The following GOLGB1 variants were observed in gnomAD, a reference collection of about 807,000 sequenced individuals.
GOLGB1 encodes the protein golgin B1.
A neutral mutation model predicts 336.9 loss-of-function variants in GOLGB1; 174 were observed. The ratio of observed to expected loss-of-function variants is 0.52; its 90% CI spans 0.46 to 0.59. The LOEUF (loss-of-function observed/expected upper bound fraction) is 0.59, where lower values mean the gene tolerates loss of function less well. GOLGB1 is among the 20% of genes least tolerant of loss of function. The probability of loss-of-function intolerance (pLI) is 0.00; values close to 1 mark genes in which losing one functional copy is unlikely to be tolerated. For synonymous variants in GOLGB1, 1,208 were observed against 1,289.2 expected (o/e 0.94, Z 1.35); for missense variants, 3,331 against 3,645.3 (o/e 0.91, Z 2.22).
intron 1 of GOLGB1, among the ~76,000 whole-genome samples, chr3:121,732,707 C>G (rs947163988): frequency 6.6e-6 from 1 of 152,094 alleles, no homozygotes; most frequent in African/African-American, 2.4e-5. Context: ...TCATTCTCAG[C>G]AAACTAAGAA....
chr3:121,747,999 ATTTAT>A (rs1205384726), intron 1 of GOLGB1, among the ~76,000 whole-genome samples: 1 of 152,078 alleles, frequency 6.6e-6, no homozygotes, highest in Non-Finnish European at 1.5e-5. Flanking sequence ...TTAATGAATG[ATTTAT>A]TTTATAAACA....
Position 121,695,456 on chromosome 3 carries a change from A to G in GOLGB1, c.5067T>C (p.Ser1689=), listed in dbSNP as rs1365529895. The G allele has an allele frequency of 6.2e-7, 1 of 1,613,728 alleles. No individual in the cohort carries two copies. Among genetic ancestry groups the G allele is most frequent in the Admixed American group, 1.7e-5 (1 of 59,986 alleles). The change falls in exon 13 of 22, where the codon TCT becomes TCC. Residue 1689 remains serine (S), a synonymous_variant. Transcript: ENST00000614479. Reference sequence around the variant, plus strand: ...CCAGCTCTAGGATTTTCTGCTGTTTAGATTTAGCAAACTTTCTCATCTTTT... The same window carrying G: ...CCAGCTCTAGGATTTTCTGCTGTTTGGATTTAGCAAACTTTCTCATCTTTT... ...MKEKMRKFAK[S]KQQKILELEE...
At chr3:121,664,663 G>A in intron 21 of GOLGB1, 49 bp from the exon 22 acceptor site, 1 of 1,573,136 alleles carries the variant, frequency 6.4e-7, no homozygotes, top group Non-Finnish European at 8.8e-7. Flanking sequence ...ATAGGGCTAT[G>A]TTGCTTTCCC....
intron 15 of GOLGB1, among the ~76,000 whole-genome samples, chr3:121,679,997 G>A (rs1940883504): frequency 6.6e-6 from 1 of 152,180 alleles, no homozygotes; most frequent in African/African-American, 2.4e-5. Context: ...AGTGTCAGTG[G>A]AGGCTAAGCG....
chr3:121,725,251 C>G (rs1383520182), intron 5 of GOLGB1, among the ~76,000 whole-genome samples: 1 of 152,192 alleles, frequency 6.6e-6, no homozygotes, highest in African/African-American at 2.4e-5. Flanking sequence ...CAAAGTCAGC[C>G]TGGGAATGCT....
chr3:121,748,555 C>G (rs765696491), intron 1 of GOLGB1, among the ~76,000 whole-genome samples: 1 of 152,204 alleles, frequency 6.6e-6, no homozygotes, highest in Non-Finnish European at 1.5e-5. Flanking sequence ...CAACTTTTTC[C>G]TGCATCTATT....
chr3:121,722,766 G>T (rs1945288551), intron 5 of GOLGB1, among the ~76,000 whole-genome samples: 1 of 152,174 alleles, frequency 6.6e-6, no homozygotes, highest in Non-Finnish European at 1.5e-5. Flanking sequence ...AGAAAAAGAA[G>T]GCAGCAAAAG....
At chr3:121,685,879 A>AT (rs1345492933) in intron 14 of GOLGB1, among the ~76,000 whole-genome samples, 3 of 152,104 alleles carry the variant, frequency 2.0e-5, no homozygotes, top group Non-Finnish European at 2.9e-5. Context: ...CCCAAAACAT[A>AT]TTTTTGTTTT....
chr3:121,704,813 G>T (rs1943681933), intron 10 of GOLGB1, among the ~76,000 whole-genome samples: 1 of 145,778 alleles, frequency 6.9e-6, no homozygotes, highest in Non-Finnish European at 1.5e-5. Flanking sequence ...AAGAAAAATT[G>T]TCAATCGAGA....
rs551027208 is a variant in GOLGB1, at chr3:121,731,398, C to T, written c.-2-425G>A. Among the ~76,000 whole-genome samples the T allele has an allele frequency of 4.4e-3, 652 of 149,290 alleles. 3 individuals are homozygous for T. Among genetic ancestry groups the T allele is most frequent in the African/African-American group, 9.6e-3 (389 of 40,534 alleles). ...TTTTTTTTTGAGACAGGGTCTTGCT[C>T]TGTCACGCAGGCTGGAGTACAGGGA... On this transcript the variant is annotated intron_variant, in intron 1 of 21. Coordinates refer to ENST00000614479, the MANE Select transcript of GOLGB1 (RefSeq NM_001366282.2).
In GOLGB1 at chr3:121,695,533, C is replaced by T; in HGVS notation, c.4990G>A (p.Glu1664Lys). The T allele has an allele frequency of 6.2e-7, 1 of 1,614,016 alleles. No homozygotes were observed. Among genetic ancestry groups the T allele is most frequent in the Non-Finnish European group, 8.5e-7 (1 of 1,179,984 alleles). ...GCTTCCTGCAACTGCTTTTCTGTCT[C>T]CTTCTTGTTTGCCTCTGTGCTTCTT... is the stretch of plus-strand genomic sequence containing the variant. ...KLRSTEANKK[E>K]TEKQLQEAEQ... The change falls in exon 13 of 22, where the codon GAG (glutamate) becomes AAG (lysine). Residue 1664 changes from glutamate to lysine, a missense_variant. By Grantham distance (56) the Glu-to-Lys change is moderately conservative (BLOSUM62 1). Coordinates refer to ENST00000614479, the MANE Select transcript of GOLGB1 (RefSeq NM_001366282.2).
In GOLGB1 at chr3:121,683,957, G is replaced by A. The variant is rs564964028; in HGVS notation, c.8695-2092C>T. Among the ~76,000 whole-genome samples the A allele has an allele frequency of 1.3e-5, 2 of 151,624 alleles. 1 individual carries two copies. The highest frequency in any genetic ancestry group is 4.2e-4 in the South Asian group (2 of 4,798). ...ATCCTGGCCAACATGGTGAAACCCT[G>A]TCTCTGTTAAAAATATAAAAATTAG... On this transcript the variant is annotated intron_variant, in intron 14 of 21. Coordinates refer to ENST00000614479, the MANE Select transcript of GOLGB1 (RefSeq NM_001366282.2).
intron 17 of GOLGB1, among the ~76,000 whole-genome samples, chr3:121,675,814 T>A (rs1940296798): frequency 6.6e-6 from 1 of 152,254 alleles, no homozygotes; most frequent in Non-Finnish European, 1.5e-5. Context: ...TTATTAATGG[T>A]CCTGAATTTC....
In GOLGB1 at chr3:121,698,095, C is replaced by T. The variant is rs746343477; in HGVS notation, c.2428G>A (p.Ala810Thr). 6.2e-7 allele frequency: 1 copy of T among 1,614,024 alleles called. No individual in the cohort carries two copies. The highest frequency in any genetic ancestry group is 1.1e-5 in the South Asian group (1 of 91,086). The change falls in exon 13 of 22, where the codon GCC becomes ACC. Residue 810 changes from alanine (A) to threonine (T), a missense_variant. Ala to Thr is a moderately conservative substitution (Grantham distance 58). Transcript: ENST00000614479. ...TEQIHSLSIE[A>T]KSKDVKIEVL... ...TCAATTTTCACATCTTTAGATTTGGCTTCTATGCTGAGACTATGGATCTGT... is the reference window on the plus strand; with the variant it reads ...TCAATTTTCACATCTTTAGATTTGGTTTCTATGCTGAGACTATGGATCTGT...
At chr3:121,733,253 G>A (rs1368400195) in intron 1 of GOLGB1, among the ~76,000 whole-genome samples, 1 of 146,048 alleles carries the variant, frequency 6.8e-6, no homozygotes, top group Non-Finnish European at 1.5e-5. Flanking sequence ...AACCCAGGAG[G>A]TGGAGCTTGC....
At position 121,729,259 on chromosome 3, in the gene GOLGB1, T is replaced by C. The variant is rs112669138; in HGVS notation, c.331A>G (p.Ile111Val). The change falls in exon 4 of 22, where the codon ATA (isoleucine) becomes GTA (valine). Residue 111 changes from isoleucine to valine, a missense_variant. Coordinates refer to ENST00000614479, the MANE Select transcript of GOLGB1 (RefSeq NM_001366282.2). The stretch of plus-strand genomic sequence containing the variant: ...CCTCCTTGTGCTTTCATTTCTTCTA[T>C]GTATTTATTCAAAGAAGTTAATTTG... Reference protein sequence around the residue: ...KAKLTSLNKYIEEMKAQGGTV... With the variant: ...KAKLTSLNKYVEEMKAQGGTV... The C allele has an allele frequency of 1.2e-6, 2 of 1,612,946 alleles. No individual in the cohort carries two copies. Among genetic ancestry groups the C allele is most frequent in the Non-Finnish European group, 1.7e-6 (2 of 1,178,986 alleles).
chr3:121,705,900 G>T (rs1943776230), intron 10 of GOLGB1, among the ~76,000 whole-genome samples: 1 of 152,166 alleles, frequency 6.6e-6, no homozygotes, highest in Admixed American at 6.5e-5. Flanking sequence ...TGCCTCAGGA[G>T]TATCGAATGA....
chr3:121,698,760 T>C lies in GOLGB1; in HGVS notation c.1763A>G (p.Lys588Arg). 6.2e-7 allele frequency: 1 copy of C among 1,613,672 alleles called. No individual in the cohort carries two copies. Reference protein sequence around the residue: ...IAFLKLQLQGKRAEEADHEVL... With the variant: ...IAFLKLQLQGRRAEEADHEVL... ...CTCATGATCTGCTTCCTCAGCCCTT[T>C]TTCCCTGGAGCTGTAATTTAAGAAA... Residue 588 changes from lysine to arginine, a missense_variant, in exon 13 of 22, where the codon AAA becomes AGA. Coordinates refer to ENST00000614479, the MANE Select transcript of GOLGB1 (RefSeq NM_001366282.2).
intron 3 of GOLGB1, 55 bp from the exon 4 acceptor site, chr3:121,729,395 C>T (rs1425727030): frequency 1.5e-6 from 2 of 1,349,936 alleles, no homozygotes; most frequent in South Asian, 1.3e-5. Context: ...TCTTATCTAG[C>T]ACATACTAAA....
Sources: allele counts gnomAD v4.1 joint callset (sites outside exome capture counted in the v4.1 genomes callset), GRCh38; gene constraint gnomAD v4.1.1; transcripts MANE v1.5; gene names NCBI Gene and HGNC (gene_info 2026-07-23, HGNC 2026-07-21).